FSTL5: variants seen among roughly 807,000 people sequenced by gnomAD.
The protein encoded by FSTL5 is follistatin-related protein 5.
FSTL5 carries 62 observed loss-of-function variants against 89.1 expected under a neutral mutation model. That is an observed-to-expected ratio of 0.70 (90% CI 0.57 to 0.86). FSTL5 has a LOEUF of 0.86. FSTL5 is among the 40% of genes least tolerant of loss of function. The pLI is 0.00. For missense variants in FSTL5, 1,057 were observed against 1,001.6 expected (o/e 1.06, Z -0.75); for synonymous variants, 383 against 346.2 (o/e 1.11, Z -1.18).
chr4:161,416,014 T>A lies in FSTL5; in HGVS notation c.1842-29565A>T, dbSNP rs72989105. On this transcript the variant is annotated intron_variant, in intron 15 of 15. Coordinates refer to ENST00000306100, the MANE Select transcript of FSTL5 (RefSeq NM_020116.5). ...TCAGCATAGTCAATACATAAGACAA[T>A]GTTTACTCTAATTCCACATCTTTAT... is the stretch of plus-strand genomic sequence containing the variant. Among the ~76,000 whole-genome samples the A allele has an allele frequency of 6.3e-3, 953 of 152,120 alleles. 5 individuals carry two copies. The highest frequency in any genetic ancestry group is 0.021 in the African/African-American group (874 of 41,504).
At chr4:161,623,045 G>A (rs1191879571) in intron 7 of FSTL5, among the ~76,000 whole-genome samples, 1 of 151,960 alleles carries the variant, frequency 6.6e-6, no homozygotes, top group Non-Finnish European at 1.5e-5. Context: ...CTCAATAACT[G>A]CTGAAAAAAT....
chr4:161,750,058 G>T (rs1008815245), intron 6 of FSTL5, among the ~76,000 whole-genome samples: 48 of 151,988 alleles, frequency 3.2e-4, no homozygotes, highest in Non-Finnish European at 4.6e-4. Context: ...TTCTATTTAT[G>T]TTGAGAATAT....
intron 12 of FSTL5, among the ~76,000 whole-genome samples, chr4:161,488,287 T>C (rs867057741): frequency 1.3e-4 from 20 of 152,246 alleles, no homozygotes; most frequent in Middle Eastern, 3.4e-3. Flanking sequence ...TAGGTAGTCA[T>C]GGTAACGTGG....
In FSTL5 at chr4:161,872,128, G is replaced by GTTTTTTTGTTTGTTTTTT. The variant is rs1732282226; in HGVS notation, c.409+48275_409+48276insAAAAAACAAACAAAAAAA. Among the ~76,000 whole-genome samples, 43 of 64,114 alleles carry GTTTTTTTGTTTGTTTTTT rather than the reference G, an allele frequency of 6.7e-4. 1 individual carries two copies. Among genetic ancestry groups the GTTTTTTTGTTTGTTTTTT allele is most frequent in the Non-Finnish European group, 1.2e-3 (34 of 29,108 alleles). 42.1% of individuals were successfully genotyped at this position (64,114 alleles called of 152,430 possible). On this transcript the variant is annotated intron_variant, in intron 4 of 15. Coordinates refer to ENST00000306100, the MANE Select transcript of FSTL5 (RefSeq NM_020116.5). Reference sequence around the variant, plus strand: ...CACATCTGGCTAGGCTTTGTAGTTTGTTTTTTTTTTTGGTTTTTTTTTTTT... The same window carrying GTTTTTTTGTTTGTTTTTT: ...CACATCTGGCTAGGCTTTGTAGTTTGTTTTTTTGTTTGTTTTTTTTTTTTTTTTTGGTTTTTTTTTTTT...
At chr4:161,907,232 C>G (rs1043914783) in intron 4 of FSTL5, among the ~76,000 whole-genome samples, 3 of 152,086 alleles carry the variant, frequency 2.0e-5, no homozygotes, top group Non-Finnish European at 2.9e-5. Flanking sequence ...AAAAGACACT[C>G]TCTACAAACT....
chr4:162,069,448 C>T (rs945381252), intron 2 of FSTL5, among the ~76,000 whole-genome samples: 2 of 151,822 alleles, frequency 1.3e-5, no homozygotes, highest in African/African-American at 4.8e-5. Flanking sequence ...TTATTGTTAA[C>T]TATAGTCAAC....
chr4:161,927,122 C>T (rs910485934), intron 3 of FSTL5, among the ~76,000 whole-genome samples: 21 of 151,578 alleles, frequency 1.4e-4, no homozygotes, highest in African/African-American at 4.6e-4. Context: ...TAGTTAGCTG[C>T]CACTGTCATC....
Position 161,500,091 on chromosome 4 carries a change from T to A in FSTL5, c.1383A>T (p.Gly461=). ...GNMFYVFYED[G]IKVIQPIECE... is the part of the protein sequence containing the mutation. The stretch of plus-strand genomic sequence containing the variant: ...ATTCTATGGGTTGTATCACTTTGAT[T>A]CCATCTTCATAAAAAACATAGAACA... Residue 461 remains glycine, a synonymous_variant, in exon 12 of 16, where the codon GGA becomes GGT. Transcript: ENST00000306100. The A allele has an allele frequency of 6.2e-7, 1 of 1,608,144 alleles. No individual in the cohort carries two copies. Among genetic ancestry groups the A allele is most frequent in the Non-Finnish European group, 8.5e-7 (1 of 1,176,332 alleles).
At chr4:161,720,025 T>C (rs765877239) in intron 6 of FSTL5, among the ~76,000 whole-genome samples, 35 of 152,012 alleles carry the variant, frequency 2.3e-4, no homozygotes, top group Non-Finnish European at 4.1e-4. Context: ...ACCAAAACCA[T>C]AGGCAACAAA....
intron 4 of FSTL5, among the ~76,000 whole-genome samples, chr4:161,820,193 A>C (rs1239841359): frequency 6.6e-6 from 1 of 152,150 alleles, no homozygotes; most frequent in Non-Finnish European, 1.5e-5. Flanking sequence ...TAATTGAAAT[A>C]AAAATAAGCT....
At chr4:161,392,022 G>A (rs1272231728) in intron 15 of FSTL5, among the ~76,000 whole-genome samples, 1 of 152,032 alleles carries the variant, frequency 6.6e-6, no homozygotes, top group African/African-American at 2.4e-5. Context: ...TTCTAAACAT[G>A]GAAGTCCTTA....
rs187429315 is a variant in FSTL5, at chr4:161,627,895, C to T, written c.894+28433G>A. Among the ~76,000 whole-genome samples, 479 of 152,176 alleles carry T rather than the reference C, an allele frequency of 3.1e-3. 1 individual carries two copies. Among genetic ancestry groups the T allele is most frequent in the Non-Finnish European group, 5.5e-3 (372 of 67,998 alleles). ...ACTGTCACGGTCATACAGACACAGA[C>T]TTTGGAATAATTTTATGATAGTAAC... On this transcript the variant is annotated intron_variant, in intron 7 of 15. Coordinates refer to ENST00000306100, the MANE Select transcript of FSTL5 (RefSeq NM_020116.5).
intron 7 of FSTL5, among the ~76,000 whole-genome samples, chr4:161,654,760 A>C (rs1736459255): frequency 6.6e-6 from 1 of 152,074 alleles, no homozygotes; most frequent in African/African-American, 2.4e-5. Context: ...AATGAGGATA[A>C]AAAATATGAA....
rs903993768 is a variant in FSTL5 at position 161,452,400 on chromosome 4, C to T, written c.1841+2604G>A. On this transcript the variant is annotated intron_variant, in intron 15 of 15. Transcript: ENST00000306100. ...CTGAGACAGGAGAATTGCTTGAATC[C>T]GGGAGGTGGAGGTTGCTGTGAGCTG... Among the ~76,000 whole-genome samples, 53 of 151,640 alleles carry T rather than the reference C, an allele frequency of 3.5e-4. 1 individual carries two copies. Among genetic ancestry groups the T allele is most frequent in the African/African-American group, 1.2e-3 (48 of 41,258 alleles).
intron 11 of FSTL5, among the ~76,000 whole-genome samples, chr4:161,501,901 T>C (rs547490282): frequency 3.3e-5 from 5 of 152,020 alleles, no homozygotes; most frequent in Non-Finnish European, 7.4e-5. Flanking sequence ...AACATTAACA[T>C]ATAAATAACT....
chr4:161,848,522 C>T (rs151167285), intron 4 of FSTL5, among the ~76,000 whole-genome samples: 117 of 152,088 alleles, frequency 7.7e-4, no homozygotes, highest in Admixed American at 1.6e-3. Flanking sequence ...TATGATAGCA[C>T]GTAAAGTTTC....
At chr4:161,941,684 G>C (rs74506954) in intron 3 of FSTL5, among the ~76,000 whole-genome samples, 92 of 151,984 alleles carry the variant, frequency 6.1e-4, no homozygotes, top group African/African-American at 2.0e-3. Context: ...GAAATTTGCA[G>C]TTCTAGTTGC....
intron 1 of FSTL5, among the ~76,000 whole-genome samples, chr4:162,118,268 CT>C (rs10706391): frequency 0.94 from 139,657 of 148,306 alleles, 65,904 homozygotes; most frequent in African/African-American, 0.96. Flanking sequence ...TCCAAAGAGT[CT>C]TTTTTTTTTT....
At position 161,739,617 on chromosome 4, in the gene FSTL5, G is replaced by A. The variant is rs185046784; in HGVS notation, c.727+19794C>T. On this transcript the variant is annotated intron_variant, in intron 6 of 15. Transcript: ENST00000306100. ...GGGGATTAGTTGTATACAGCAGAGG[G>A]TAAAAACTGGGGACTCCTTGGTGCC... 3.7e-4 allele frequency among the ~76,000 whole-genome samples: 57 copies of A among 152,284 alleles called. No homozygotes were observed. The East Asian group carries it at 8.5e-3, about 23-fold the overall frequency.
Sources: gnomAD v4.1 joint callset for allele counts (sites outside exome capture counted in the v4.1 genomes callset) on GRCh38, gnomAD v4.1.1 for gene constraint, MANE v1.5 for transcripts, NCBI Gene and HGNC (gene_info 2026-07-23, HGNC 2026-07-21) for gene names.